TMC1: variants seen among roughly 807,000 people sequenced by gnomAD.
TMC1 encodes the protein transmembrane channel like 1, also known as transmembrane channel-like protein 1.
A neutral mutation model predicts 105.8 loss-of-function variants in TMC1; 84 were observed. That is an observed-to-expected ratio of 0.79 (90% CI 0.67 to 0.95). The LOEUF (loss-of-function observed/expected upper bound fraction) is 0.95. Ranked by LOEUF, TMC1 falls within the 40% of genes least tolerant of loss-of-function variation. TMC1 has a pLI of 0.00. For synonymous variants in TMC1, 315 were observed against 311.5 expected (o/e 1.01, Z -0.12); for missense variants, 817 against 914.1 (o/e 0.89, Z 1.37).
chr9:72,768,993 T>C (rs1205640672), intron 12 of TMC1, among the ~76,000 whole-genome samples: 1 of 151,980 alleles, frequency 6.6e-6, no homozygotes, highest in Non-Finnish European at 1.5e-5. Context: ...GTTCATAGAG[T>C]TTCTTGTTTC....
At chr9:72,829,486 T>C (rs1420966764) in intron 21 of TMC1, among the ~76,000 whole-genome samples, 2 of 152,152 alleles carry the variant, frequency 1.3e-5, no homozygotes, top group Non-Finnish European at 2.9e-5. Flanking sequence ...AAAATCCTTA[T>C]AATACACACC....
At chr9:72,576,427 C>T (rs183985827) in intron 1 of TMC1, among the ~76,000 whole-genome samples, 319 of 151,696 alleles carry the variant, frequency 2.1e-3, no homozygotes, top group African/African-American at 7.0e-3. Context: ...TCTATCTTCT[C>T]GAACCTTCCC....
At position 72,730,786 on chromosome 9, in the gene TMC1, T is replaced by C. The variant is rs560699926; in HGVS notation, c.363-9333T>C. Among the ~76,000 whole-genome samples, 23 of 152,208 alleles carry C rather than the reference T, an allele frequency of 1.5e-4. No individual in the cohort carries two copies. In the South Asian group the frequency reaches 4.6e-3, roughly 30 times the overall value. ...GCAACTATACGATCCCATCTGGGGG[T>C]GATGGGACACAGTGACAGATCATCA... On this transcript the variant is annotated intron_variant, in intron 8 of 23. Transcript: ENST00000297784.
At chr9:72,805,303 AAT>A in intron 17 of TMC1, 77 bp from the exon 18 acceptor site, 3 of 1,527,378 alleles carry the variant, frequency 2.0e-6, no homozygotes, top group Non-Finnish European at 2.7e-6. Context: ...CTTCTTTAGA[AAT>A]ATGACAGATT....
chr9:72,766,910 G>C (rs537419709), intron 12 of TMC1, among the ~76,000 whole-genome samples: 1 of 152,232 alleles, frequency 6.6e-6, no homozygotes, highest in Admixed American at 6.5e-5. Flanking sequence ...AATGGGTCTG[G>C]CTGGAGAGGA....
At chr9:72,554,384 G>A (rs1471273516) in intron 1 of TMC1, among the ~76,000 whole-genome samples, 2 of 152,180 alleles carry the variant, frequency 1.3e-5, no homozygotes, top group Admixed American at 1.3e-4. Context: ...TGTTGACCAT[G>A]TGGACCTGAA....
chr9:72,589,398 T>C (rs1229908972), intron 2 of TMC1, among the ~76,000 whole-genome samples: 1 of 152,270 alleles, frequency 6.6e-6, no homozygotes, highest in Non-Finnish European at 1.5e-5. Context: ...ATAATTCATC[T>C]TGCCAACAAA....
intron 1 of TMC1, among the ~76,000 whole-genome samples, chr9:72,526,561 T>G (rs1177359846): frequency 6.6e-6 from 1 of 152,260 alleles, no homozygotes; most frequent in African/African-American, 2.4e-5. Flanking sequence ...ATTGGTATTT[T>G]CACCCTAAGA....
Position 72,694,554 on chromosome 9 carries a change from G to C in TMC1, c.76G>C (p.Glu26Gln). 6.2e-7 allele frequency: 1 copy of C among 1,612,564 alleles called. No homozygotes were observed. Residue 26 changes from glutamate to glutamine, a missense_variant, in exon 7 of 24, where the codon GAG becomes CAG. Coordinates refer to ENST00000297784, the MANE Select transcript of TMC1 (RefSeq NM_138691.3). ...ETEESSSEEE[E>Q]EVEDKLPRRE... ...AGTGCTATGTTTAGGTGAAGAGGAA[G>C]AGGAGGTGGAAGATAAGCTACCTCG...
At chr9:72,777,172 A>G (rs1023338515) in intron 13 of TMC1, among the ~76,000 whole-genome samples, 2 of 151,812 alleles carry the variant, frequency 1.3e-5, no homozygotes, top group African/African-American at 4.8e-5. Context: ...TTTTCTTTTC[A>G]CTTCTTTGGT....
At chr9:72,561,375 T>G (rs909527482) in intron 1 of TMC1, among the ~76,000 whole-genome samples, 12 of 151,734 alleles carry the variant, frequency 7.9e-5, no homozygotes, top group Non-Finnish European at 1.6e-4. Context: ...CATTTAGATT[T>G]CTATTATTCT....
intron 10 of TMC1, among the ~76,000 whole-genome samples, chr9:72,751,634 C>T (rs1030661217): frequency 1.3e-5 from 2 of 152,200 alleles, no homozygotes; most frequent in African/African-American, 4.8e-5. Context: ...CTGCATTCTA[C>T]GTACCTTCTA....
chr9:72,593,263 G>A (rs1332708812), intron 2 of TMC1, among the ~76,000 whole-genome samples: 1 of 152,224 alleles, frequency 6.6e-6, no homozygotes, highest in Non-Finnish European at 1.5e-5. Context: ...ATCTGGCGGA[G>A]TGTGGTGGCT....
chr9:72,811,596 A>G (rs1828705842), intron 18 of TMC1, among the ~76,000 whole-genome samples: 1 of 152,182 alleles, frequency 6.6e-6, no homozygotes, highest in East Asian at 1.9e-4. Flanking sequence ...CAAAGCAAGT[A>G]AAGAATATTC....
intron 2 of TMC1, among the ~76,000 whole-genome samples, chr9:72,596,763 C>T (rs1363676821): frequency 6.6e-6 from 1 of 151,982 alleles, no homozygotes; most frequent in African/African-American, 2.4e-5. Context: ...TATCAGCAGG[C>T]CTCCATGGTA....
chr9:72,706,836 G>A (rs1411972615), intron 8 of TMC1, among the ~76,000 whole-genome samples: 31 of 150,292 alleles, frequency 2.1e-4, no homozygotes, highest in African/African-American at 3.4e-4. Flanking sequence ...GTGCAGTGGC[G>A]TGATCTCGGC....
intron 2 of TMC1, among the ~76,000 whole-genome samples, chr9:72,594,288 G>A (rs1824685140): frequency 6.6e-6 from 1 of 152,152 alleles, no homozygotes; most frequent in Non-Finnish European, 1.5e-5. Flanking sequence ...AAAGGGGTTT[G>A]GGCCAGTGGC....
intron 2 of TMC1, among the ~76,000 whole-genome samples, chr9:72,582,570 T>C (rs1006131224): frequency 8.5e-5 from 13 of 152,340 alleles, no homozygotes; most frequent in Middle Eastern, 3.4e-3. Flanking sequence ...AAAATTCCTC[T>C]TCTCCCCTTT....
rs749491943 is a variant in TMC1, at chr9:72,789,234, T to A, written c.1141T>A (p.Tyr381Asn). 64 of 1,613,936 alleles carry A rather than the reference T, an allele frequency of 4.0e-5. No homozygotes were observed. The highest frequency in any genetic ancestry group is 5.2e-5 in the Non-Finnish European group (61 of 1,179,948). The change falls in exon 15 of 24, where the codon TAC becomes AAC. Residue 381 changes from tyrosine to asparagine, a missense_variant. Transcript: ENST00000297784. Reference protein sequence around the residue: ...FVFLTLGGSGYLIFWAVKRSQ... With the variant: ...FVFLTLGGSGNLIFWAVKRSQ... ...GTTTCTAACACTTGGAGGGAGTGGA[T>A]ACCTCATCTTTTGGGCTGTGAAGCG...
Sources: allele counts gnomAD v4.1 joint callset (sites outside exome capture counted in the v4.1 genomes callset), GRCh38; gene constraint gnomAD v4.1.1; transcripts MANE v1.5; gene names NCBI Gene and HGNC (gene_info 2026-07-23, HGNC 2026-07-21).